Variants in ETF1 observed in about 807,000 individuals in gnomAD.
ETF1 encodes the protein eukaryotic translation termination factor 1.
Under a neutral mutation model 55.1 loss-of-function variants are expected in ETF1, and 4 were observed. The ratio of observed to expected loss-of-function variants is 0.07; its 90% CI spans 0.04 to 0.17. ETF1 has a LOEUF of 0.17. Ranked by LOEUF, ETF1 falls within the 10% of genes least tolerant of loss-of-function variation. ETF1 has a pLI of 1.00. For missense variants in ETF1, 142 were observed against 523.6 expected (o/e 0.27, Z 7.11); for synonymous variants, 157 against 182.3 (o/e 0.86, Z 1.12).
chr5:138,515,156 G>A (rs1426762458), intron 4 of ETF1, among the ~76,000 whole-genome samples: 1 of 152,210 alleles, frequency 6.6e-6, no homozygotes, highest in Non-Finnish European at 1.5e-5. Context: ...GTGGCCGGGC[G>A]TGGTGGCTCA....
At chr5:138,513,781 A>C in intron 4 of ETF1, 75 bp from the exon 5 acceptor site, 2 of 1,484,288 alleles carry the variant, frequency 1.3e-6, no homozygotes, top group Non-Finnish European at 1.8e-6. Flanking sequence ...GAAAGGATAT[A>C]TACAAGCCCT....
chr5:138,523,643 G>A, intron 2 of ETF1, among the ~76,000 whole-genome samples: 1 of 152,178 alleles, frequency 6.6e-6, no homozygotes, highest in East Asian at 1.9e-4. Flanking sequence ...AGGAGAGGGA[G>A]GAATGCAGAG....
chr5:138,536,414 A>G (rs190891334), intron 2 of ETF1, among the ~76,000 whole-genome samples: 10 of 152,316 alleles, frequency 6.6e-5, no homozygotes, highest in Non-Finnish European at 1.2e-4. Flanking sequence ...GTCAAATGGC[A>G]TAAGATAAAA....
At chr5:138,514,875 T>TACTAC (rs1328111233) in intron 4 of ETF1, among the ~76,000 whole-genome samples, 2 of 152,226 alleles carry the variant, frequency 1.3e-5, no homozygotes, top group Non-Finnish European at 2.9e-5. Flanking sequence ...GGAATCGGAA[T>TACTAC]ACTACACACT....
intron 2 of ETF1, among the ~76,000 whole-genome samples, chr5:138,537,789 C>T (rs1170296377): frequency 6.6e-6 from 1 of 151,052 alleles, no homozygotes; most frequent in Non-Finnish European, 1.5e-5. Context: ...ACTGTGTTAG[C>T]CAGGATGGTC....
At chr5:138,523,292 G>A (rs994822391) in intron 2 of ETF1, among the ~76,000 whole-genome samples, 2 of 152,110 alleles carry the variant, frequency 1.3e-5, no homozygotes, top group Non-Finnish European at 2.9e-5. Flanking sequence ...GCTTGAACCC[G>A]GGAGGCGGAG....
chr5:138,520,119 C>T (rs576284588), intron 2 of ETF1, among the ~76,000 whole-genome samples: 1 of 143,188 alleles, frequency 7.0e-6, no homozygotes, highest in South Asian at 2.3e-4. Flanking sequence ...AATTAAGACC[C>T]CAAAATCCAG....
At chr5:138,522,195 T>G (rs1252636550) in intron 2 of ETF1, among the ~76,000 whole-genome samples, 1 of 152,056 alleles carries the variant, frequency 6.6e-6, no homozygotes, top group African/African-American at 2.4e-5. Flanking sequence ...AGGATAGCAT[T>G]AGGAAAGTAA....
chr5:138,519,401 C>T (rs1048499421), intron 2 of ETF1, among the ~76,000 whole-genome samples: 31 of 151,926 alleles, frequency 2.0e-4, no homozygotes, highest in African/African-American at 7.0e-4. Flanking sequence ...CGATGGCTCA[C>T]GCTTATAATC....
intron 9 of ETF1, among the ~76,000 whole-genome samples, chr5:138,509,571 G>A (rs901630730): frequency 1.6e-4 from 25 of 152,110 alleles, no homozygotes; most frequent in African/African-American, 6.0e-4. Context: ...AGACCAGCCT[G>A]GTGAACACAG....
intron 3 of ETF1, chr5:138,517,953 G>C: frequency 1.1e-6 from 1 of 920,682 alleles, no homozygotes; most frequent in Non-Finnish European, 1.3e-6. Context: ...TGTAATCCCA[G>C]CACTCTGGGA....
chr5:138,509,476 A>G (rs1160852092), intron 9 of ETF1, among the ~76,000 whole-genome samples: 1 of 152,102 alleles, frequency 6.6e-6, no homozygotes, highest in Non-Finnish European at 1.5e-5. Flanking sequence ...ACAAACAAAA[A>G]CCAGGCCAGG....
intron 2 of ETF1, among the ~76,000 whole-genome samples, chr5:138,521,893 G>A (rs1765248229): frequency 6.6e-6 from 1 of 152,132 alleles, no homozygotes; most frequent in Non-Finnish European, 1.5e-5. Flanking sequence ...TCAATTTTTT[G>A]CAGATGAAAA....
intron 6 of ETF1, among the ~76,000 whole-genome samples, chr5:138,512,151 G>GATT (rs1345301979): frequency 8.3e-6 from 1 of 120,078 alleles, no homozygotes; most frequent in Non-Finnish European, 1.6e-5. Flanking sequence ...AGTGAGCCAT[G>GATT]ATTGCCACTG....
At chr5:138,532,944 C>CTT (rs1249359363) in intron 2 of ETF1, among the ~76,000 whole-genome samples, 1 of 146,072 alleles carries the variant, frequency 6.8e-6, no homozygotes, top group African/African-American at 2.5e-5. Context: ...ATATAAGCTT[C>CTT]TTTTTTTTTT....
intron 4 of ETF1, among the ~76,000 whole-genome samples, chr5:138,514,538 C>G (rs1764937938): frequency 6.6e-6 from 1 of 150,920 alleles, no homozygotes. Context: ...GAGACCTTGT[C>G]TCAAAAAACA....
chr5:138,526,422 G>A (rs1308289707), intron 2 of ETF1, among the ~76,000 whole-genome samples: 1 of 152,140 alleles, frequency 6.6e-6, no homozygotes, highest in East Asian at 1.9e-4. Context: ...GTGTACTATA[G>A]TGTCTTCGGT....
chr5:138,539,270 C>G (rs1177504080), intron 2 of ETF1, among the ~76,000 whole-genome samples: 4 of 152,164 alleles, frequency 2.6e-5, no homozygotes, highest in Non-Finnish European at 5.9e-5. Flanking sequence ...TTAACATTAC[C>G]TTAAAACTAT....
At position 138,506,858 on chromosome 5, in the gene ETF1, A is replaced by G. The variant is rs1167007076; in HGVS notation, c.*1447T>C. 6.5e-6 allele frequency: 1 copy of G among 152,682 alleles called. No individual in the cohort carries two copies. The highest frequency in any genetic ancestry group is 1.5e-5 in the Non-Finnish European group (1 of 68,044). The allele number at this position is 152,682 out of a possible 1,614,324, so 9.5% of individuals were successfully genotyped here. A position where few individuals can be genotyped will look rare whatever the true frequency, so the allele number is the denominator to read the frequency against. On this transcript the variant is annotated 3_prime_UTR_variant, in exon 11 of 11. Coordinates refer to ENST00000360541, the MANE Select transcript of ETF1 (RefSeq NM_004730.4). ...CAGTAAAGAACAGCAGTCAGGCACTAAAGTGTTAAAAGTACCCAATTTGAA... is the reference window on the plus strand; with the variant it reads ...CAGTAAAGAACAGCAGTCAGGCACTGAAGTGTTAAAAGTACCCAATTTGAA...
Sources: gnomAD v4.1 joint callset for allele counts (sites outside exome capture counted in the v4.1 genomes callset) on GRCh38, gnomAD v4.1.1 for gene constraint, MANE v1.5 for transcripts, NCBI Gene and HGNC (gene_info 2026-07-23, HGNC 2026-07-21) for gene names.